RBMS1: variants seen among roughly 807,000 people sequenced by gnomAD.
RBMS1 encodes the protein RNA-binding motif, single-stranded-interacting protein 1.
Under a neutral mutation model 62.3 loss-of-function variants are expected in RBMS1, and 17 were observed. The observed-to-expected ratio is 0.27, with a 90% CI of 0.19 to 0.41. The LOEUF is 0.41. Among genes scored for constraint, RBMS1 ranks in the 10% least tolerant of loss-of-function variants. The pLI, the probability that RBMS1 is intolerant of heterozygous loss-of-function variation, is 1.00. For missense variants in RBMS1, 334 were observed against 504.5 expected (o/e 0.66, Z 3.24); for synonymous variants, 172 against 170.0 (o/e 1.01, Z -0.09).
chr2:160,407,665 C>T, intron 1 of RBMS1: 1 of 981,922 alleles, frequency 1.0e-6, no homozygotes, highest in African/African-American at 1.8e-5. Flanking sequence ...TCTCGCCGCG[C>T]GGCGGCGGCC....
At chr2:160,391,960 C>CA (rs11302151) in intron 1 of RBMS1, among the ~76,000 whole-genome samples, 173 of 138,852 alleles carry the variant, frequency 1.2e-3, no homozygotes, top group East Asian at 3.8e-3. Context: ...ACTCCATCTC[C>CA]AAAAAAAAAA....
intron 1 of RBMS1, among the ~76,000 whole-genome samples, chr2:160,474,656 C>T (rs1685053969): frequency 1.3e-5 from 2 of 152,196 alleles, no homozygotes; most frequent in South Asian, 4.1e-4. Flanking sequence ...AACAAAACTT[C>T]TTGAGTACGT....
intron 1 of RBMS1, among the ~76,000 whole-genome samples, chr2:160,448,478 T>C (rs1440584875): frequency 6.6e-6 from 1 of 152,222 alleles, no homozygotes; most frequent in Middle Eastern, 3.2e-3. Flanking sequence ...CATTTTTTGA[T>C]GGAGACGGGG....
At chr2:160,328,660 C>T (rs1236635116) in intron 2 of RBMS1, among the ~76,000 whole-genome samples, 2 of 152,050 alleles carry the variant, frequency 1.3e-5, no homozygotes, top group African/African-American at 4.8e-5. Context: ...GCACCCTCCC[C>T]CCGCCCCCAA....
intron 1 of RBMS1, among the ~76,000 whole-genome samples, chr2:160,484,058 G>A (rs1228724222): frequency 6.6e-6 from 1 of 150,376 alleles, no homozygotes; most frequent in African/African-American, 2.5e-5. Context: ...AGGCTGGTCT[G>A]GAACTCTTGG....
At position 160,493,466 on chromosome 2, in the gene RBMS1, C is replaced by T; in HGVS notation, c.-103G>A. On this transcript the variant is annotated 5_prime_UTR_variant, in exon 1 of 14. Coordinates refer to ENST00000348849, the MANE Select transcript of RBMS1 (RefSeq NM_016836.4). The stretch of plus-strand genomic sequence containing the variant: ...TTTCCGGCGGCGGCGGCAGCGGCGG[C>T]GGCGGCGGCGGCTGCTGCTGCTGCC... 9.6e-7 allele frequency: 1 copy of T among 1,039,590 alleles called. No homozygotes were observed. The highest frequency in any genetic ancestry group is 1.5e-6 in the Non-Finnish European group (1 of 687,982). 64.4% of individuals were successfully genotyped at this position (1,039,590 alleles called of 1,614,324 possible).
chr2:160,449,945 A>C (rs973350785), intron 1 of RBMS1, among the ~76,000 whole-genome samples: 2 of 152,102 alleles, frequency 1.3e-5, no homozygotes, highest in Non-Finnish European at 2.9e-5. Flanking sequence ...ATACATCTCC[A>C]ACCTGATGAG....
chr2:160,467,836 G>A (rs1684756253), intron 1 of RBMS1, among the ~76,000 whole-genome samples: 1 of 152,048 alleles, frequency 6.6e-6, no homozygotes, highest in African/African-American at 2.4e-5. Flanking sequence ...AAATAAACTT[G>A]CCATGCTGAA....
intron 1 of RBMS1, among the ~76,000 whole-genome samples, chr2:160,448,180 T>C (rs1226966800): frequency 6.6e-6 from 1 of 152,186 alleles, no homozygotes; most frequent in South Asian, 2.1e-4. Flanking sequence ...AGCTCTAATA[T>C]ATTTTAGTCT....
chr2:160,453,131 T>C (rs1684063992), intron 1 of RBMS1, among the ~76,000 whole-genome samples: 1 of 152,062 alleles, frequency 6.6e-6, no homozygotes. Context: ...TTATTACTAT[T>C]ACTATTGGCC....
chr2:160,455,284 T>G (rs1258754565), intron 1 of RBMS1, among the ~76,000 whole-genome samples: 2 of 152,234 alleles, frequency 1.3e-5, no homozygotes, highest in African/African-American at 2.4e-5. Flanking sequence ...TATTTTTGTT[T>G]GTTTAGAAAT....
At chr2:160,300,234 T>G (rs1052575333) in intron 6 of RBMS1, among the ~76,000 whole-genome samples, 2 of 152,134 alleles carry the variant, frequency 1.3e-5, no homozygotes, top group Admixed American at 1.3e-4. Context: ...GACAACACAA[T>G]GTAAAACCAT....
chr2:160,492,108 C>T (rs1387232407), intron 1 of RBMS1, among the ~76,000 whole-genome samples: 6 of 152,110 alleles, frequency 3.9e-5, no homozygotes, highest in Non-Finnish European at 7.4e-5. Context: ...CGGAAATGCC[C>T]AACTACCAGC....
At chr2:160,385,968 T>A (rs964575688) in intron 1 of RBMS1, among the ~76,000 whole-genome samples, 2 of 152,148 alleles carry the variant, frequency 1.3e-5, no homozygotes, top group African/African-American at 4.8e-5. Flanking sequence ...GGTATAATGT[T>A]TCTACACACA....
At chr2:160,472,426 C>T (rs1684960231) in intron 1 of RBMS1, among the ~76,000 whole-genome samples, 3 of 152,036 alleles carry the variant, frequency 2.0e-5, no homozygotes, top group South Asian at 2.1e-4. Flanking sequence ...CTAACAACAC[C>T]GAAGGATAAA....
chr2:160,482,590 T>C (rs1389207913), intron 1 of RBMS1, among the ~76,000 whole-genome samples: 1 of 152,206 alleles, frequency 6.6e-6, no homozygotes, highest in Admixed American at 6.5e-5. Flanking sequence ...ATTTTTAGAA[T>C]AATATGTCTG....
intron 2 of RBMS1, among the ~76,000 whole-genome samples, chr2:160,352,291 C>T (rs1309036463): frequency 6.6e-6 from 1 of 152,086 alleles, no homozygotes; most frequent in Admixed American, 6.6e-5. Flanking sequence ...TACTGGAATT[C>T]TACAAGGGCA....
chr2:160,438,095 C>A (rs1683189094), intron 1 of RBMS1, among the ~76,000 whole-genome samples: 1 of 152,046 alleles, frequency 6.6e-6, no homozygotes, highest in Admixed American at 6.6e-5. Context: ...ATGTTGATAC[C>A]CTCTCTAACT....
At chr2:160,304,702 C>T (rs1363343156) in intron 4 of RBMS1, among the ~76,000 whole-genome samples, 1 of 151,946 alleles carries the variant, frequency 6.6e-6, no homozygotes, top group Non-Finnish European at 1.5e-5. Context: ...TAGAACAATG[C>T]TTATAGAATA....
Sources: allele counts gnomAD v4.1 joint callset (sites outside exome capture counted in the v4.1 genomes callset), GRCh38; gene constraint gnomAD v4.1.1; transcripts MANE v1.5; gene names NCBI Gene and HGNC (gene_info 2026-07-23, HGNC 2026-07-21).